Variants in SNTG2 observed in about 807,000 individuals in gnomAD.
SNTG2 encodes the protein gamma-2-syntrophin.
A neutral mutation model predicts 70.9 loss-of-function variants in SNTG2; 74 were observed. The observed-to-expected ratio is 1.04, with a 90% CI of 0.86 to 1.27. The LOEUF (loss-of-function observed/expected upper bound fraction) is 1.27. Among genes scored for constraint, SNTG2 ranks in the 50% most tolerant of loss-of-function variants. SNTG2 has a pLI of 0.00. For synonymous variants in SNTG2, 278 were observed against 273.8 expected (o/e 1.02, Z -0.15); for missense variants, 717 against 690.7 (o/e 1.04, Z -0.43).
chr2:1,084,183 C>T (rs757658995), intron 2 of SNTG2, among the ~76,000 whole-genome samples: 24 of 152,210 alleles, frequency 1.6e-4, no homozygotes, highest in Non-Finnish European at 2.8e-4. Flanking sequence ...GGGGCACAGG[C>T]TTAGGAGACC....
chr2:1,116,529 A>G (rs1329802953), intron 4 of SNTG2, among the ~76,000 whole-genome samples: 6 of 91,782 alleles, frequency 6.5e-5, no homozygotes, highest in Admixed American at 2.3e-4. Flanking sequence ...TGGGTGCTCC[A>G]GTGTATGAGT....
At chr2:1,163,338 A>T (rs1218942963) in intron 6 of SNTG2, 6 of 149,052 alleles carry the variant, frequency 4.0e-5, no homozygotes, top group Non-Finnish European at 8.8e-5. Flanking sequence ...GAAGCCTCCC[A>T]ACAGGAAGTG....
intron 7 of SNTG2, among the ~76,000 whole-genome samples, chr2:1,172,310 C>G (rs1199005131): frequency 6.6e-6 from 1 of 152,206 alleles, no homozygotes; most frequent in Non-Finnish European, 1.5e-5. Context: ...GGCTGGGAAT[C>G]TGGCATAGTC....
At chr2:1,229,374 C>T (rs1676030150) in intron 9 of SNTG2, among the ~76,000 whole-genome samples, 1 of 152,136 alleles carries the variant, frequency 6.6e-6, no homozygotes, top group Admixed American at 6.5e-5. Context: ...ACAGAGTGTC[C>T]ATTGGTGCAT....
At chr2:1,106,697 T>C (rs13014569) in intron 4 of SNTG2, among the ~76,000 whole-genome samples, 10,871 of 51,090 alleles carry the variant, frequency 0.21, 1 homozygote, top group East Asian at 0.38. Flanking sequence ...TAATAGTGGA[T>C]GCGTGCTGTC....
chr2:1,136,692 CCT>C lies in SNTG2; in HGVS notation c.326-929_326-928del, dbSNP rs562963229. On this transcript the variant is annotated intron_variant, in intron 4 of 16. Transcript: ENST00000308624. ...AACAAAGATTTAAAATTGAAACAAA[CCT>C]ATGTGAAGGCAAAAATTGGGGAAAA... Among the ~76,000 whole-genome samples the C allele has an allele frequency of 1.0e-3, 155 of 152,050 alleles. 1 individual carries two copies. The highest frequency in any genetic ancestry group is 3.6e-3 in the African/African-American group (149 of 41,466).
intron 9 of SNTG2, 114 bp downstream of exon 9, chr2:1,209,344 G>A (rs772188612): frequency 8.0e-4 from 1,013 of 1,268,148 alleles, no homozygotes; most frequent in Non-Finnish European, 1.0e-3. Flanking sequence ...GCAAGTGTGC[G>A]TGCTGTCTTC....
At chr2:1,080,166 G>A (rs996374677) in intron 1 of SNTG2, among the ~76,000 whole-genome samples, 1 of 147,600 alleles carries the variant, frequency 6.8e-6, no homozygotes, top group Admixed American at 6.6e-5. Context: ...TCTGCAGCAA[G>A]AATGTGCTCA....
chr2:1,005,795 C>G, intron 1 of SNTG2, among the ~76,000 whole-genome samples: 1 of 82,210 alleles, frequency 1.2e-5, no homozygotes, highest in African/African-American at 4.5e-5. Context: ...CAGAGCAAGA[C>G]TCTGCCTCAA....
intron 1 of SNTG2, among the ~76,000 whole-genome samples, chr2:1,019,630 T>G (rs1469985973): frequency 6.6e-6 from 1 of 152,186 alleles, no homozygotes; most frequent in Non-Finnish European, 1.5e-5. Context: ...CTGTTGAAAC[T>G]CTACAGACAT....
intron 4 of SNTG2, among the ~76,000 whole-genome samples, chr2:1,112,137 G>A (rs1224438828): frequency 6.6e-6 from 1 of 151,468 alleles, no homozygotes; most frequent in Admixed American, 6.6e-5. Flanking sequence ...TACTAAGTGA[G>A]GTTTAAGCCT....
At chr2:1,250,025 G>A (rs1305593597) in intron 12 of SNTG2, among the ~76,000 whole-genome samples, 2 of 152,200 alleles carry the variant, frequency 1.3e-5, no homozygotes, top group Non-Finnish European at 2.9e-5. Context: ...CAAAGCCACA[G>A]GACCAGCCGT....
chr2:1,235,998 T>C (rs560651239), intron 9 of SNTG2, among the ~76,000 whole-genome samples: 1 of 152,270 alleles, frequency 6.6e-6, no homozygotes, highest in Non-Finnish European at 1.5e-5. Context: ...AAAATAATAG[T>C]CTCTGACCTC....
chr2:1,341,623 G>C (rs1369477841), intron 16 of SNTG2: 1 of 152,156 alleles, frequency 6.6e-6, no homozygotes, highest in Non-Finnish European at 1.5e-5. Context: ...GAGATCCCTG[G>C]GGAGGCAGTC....
At chr2:1,066,932 A>G (rs570710373) in intron 1 of SNTG2, among the ~76,000 whole-genome samples, 35 of 151,928 alleles carry the variant, frequency 2.3e-4, no homozygotes, top group African/African-American at 8.5e-4. Context: ...CAAAGCTCTC[A>G]TCTCCTCTGC....
intron 6 of SNTG2, among the ~76,000 whole-genome samples, chr2:1,157,966 G>C (rs1375862537): frequency 2.0e-5 from 3 of 152,198 alleles, no homozygotes; most frequent in African/African-American, 7.2e-5. Context: ...AGGCACAAAA[G>C]TTAGCATTTC....
At chr2:1,238,115 C>A in intron 10 of SNTG2, 98 bp downstream of exon 10, 3 of 1,413,308 alleles carry the variant, frequency 2.1e-6, no homozygotes, top group Admixed American at 2.2e-5. Flanking sequence ...TAACCCGAAA[C>A]AGAAAATCAT....
At chr2:1,262,111 C>T (rs1341108561) in intron 13 of SNTG2, among the ~76,000 whole-genome samples, 1 of 151,932 alleles carries the variant, frequency 6.6e-6, no homozygotes, top group Non-Finnish European at 1.5e-5. Flanking sequence ...GAGTTAAAGG[C>T]GAAGAAGGCA....
At chr2:1,104,706 G>T (rs1666000350) in intron 4 of SNTG2, among the ~76,000 whole-genome samples, 1 of 152,176 alleles carries the variant, frequency 6.6e-6, no homozygotes, top group African/African-American at 2.4e-5. Flanking sequence ...TCCAGGAGGG[G>T]CCGTGTGTGC....
Sources: gnomAD v4.1 joint callset for allele counts (sites outside exome capture counted in the v4.1 genomes callset) on GRCh38, gnomAD v4.1.1 for gene constraint, MANE v1.5 for transcripts, NCBI Gene and HGNC (gene_info 2026-07-23, HGNC 2026-07-21) for gene names.